ABHD17C: variants seen among roughly 807,000 people sequenced by gnomAD.
ABHD17C encodes abhydrolase domain containing 17C, depalmitoylase, also known as alpha/beta hydrolase domain-containing protein 17C.
ABHD17C carries 11 observed loss-of-function variants against 27.9 expected under a neutral mutation model. The observed-to-expected ratio is 0.39, with a 90% CI of 0.25 to 0.65. The LOEUF is 0.65. Ranked by LOEUF, ABHD17C falls within the 30% of genes least tolerant of loss-of-function variation. The probability of loss-of-function intolerance (pLI) is 0.45; values close to 1 mark genes in which losing one functional copy is unlikely to be tolerated. For missense variants in ABHD17C, 280 were observed against 470.2 expected (o/e 0.60, Z 3.74); for synonymous variants, 233 against 209.1 (o/e 1.11, Z -0.98).
intron 1 of ABHD17C, among the ~76,000 whole-genome samples, chr15:80,739,008 G>T (rs955353368): frequency 6.6e-6 from 1 of 152,182 alleles, no homozygotes; most frequent in Non-Finnish European, 1.5e-5. Flanking sequence ...AGCTTTGAGG[G>T]ATGCCAACCT....
intron 1 of ABHD17C, among the ~76,000 whole-genome samples, chr15:80,746,721 T>G (rs1243269361): frequency 1.3e-5 from 2 of 152,220 alleles, no homozygotes; most frequent in Non-Finnish European, 2.9e-5. Context: ...GCCTGCCTGA[T>G]GGCCAGGGCG....
intron 1 of ABHD17C, chr15:80,704,699 CAGGCTTCTGCCCCTCCTCT>C (rs1378701984): frequency 6.6e-6 from 1 of 152,192 alleles, no homozygotes; most frequent in Admixed American, 6.5e-5. Context: ...CCTCCTGAGT[CAGGCTTCTGCCCCTCCTCT>C]AGTTGTGGAT....
chr15:80,713,172 C>T (rs1894750368), intron 1 of ABHD17C, among the ~76,000 whole-genome samples: 1 of 151,796 alleles, frequency 6.6e-6, no homozygotes, highest in Admixed American at 6.6e-5. Flanking sequence ...TTCTTGCCAC[C>T]CACATCAGCT....
At chr15:80,720,920 C>G (rs1018595938) in intron 1 of ABHD17C, among the ~76,000 whole-genome samples, 1 of 121,678 alleles carries the variant, frequency 8.2e-6, no homozygotes, top group Admixed American at 8.7e-5. Context: ...GACTCTGTCT[C>G]AAAAAAAAAA....
intron 1 of ABHD17C, among the ~76,000 whole-genome samples, chr15:80,735,914 C>A (rs1345090576): frequency 6.6e-6 from 1 of 152,138 alleles, no homozygotes. Flanking sequence ...TCCTTACATC[C>A]AGTGTTACTT....
At chr15:80,697,692 G>A (rs1894513457) in intron 1 of ABHD17C, among the ~76,000 whole-genome samples, 1 of 151,948 alleles carries the variant, frequency 6.6e-6, no homozygotes, top group South Asian at 2.1e-4. Context: ...TGAATTATCT[G>A]ATAGTGTATC....
In ABHD17C at chr15:80,695,502, T is replaced by C; in HGVS notation, c.73T>C (p.Cys25Arg). Residue 25 changes from cysteine (C) to arginine (R), a missense_variant, in exon 1 of 3, where the codon TGC (cysteine) becomes CGC (arginine). Cys to Arg is a radical substitution (Grantham distance 180, BLOSUM62 -3). Transcript: ENST00000258884. This position sits in a 1 kb window ranked among gnomAD's most constrained non-coding sequence, Gnocchi z 4.3. ...ELCWLFCCPPCPSRIAAKLAF... is the reference protein window; with the variant it reads ...ELCWLFCCPPRPSRIAAKLAF... ...GTGCTGGCTCTTCTGCTGCCCGCCC[T>C]GCCCGAGCCGCATCGCCGCCAAGCT... is the stretch of plus-strand genomic sequence containing the variant. 7.2e-7 allele frequency: 1 copy of C among 1,384,732 alleles called. No individual in the cohort carries two copies. The highest frequency in any genetic ancestry group is 9.5e-7 in the Non-Finnish European group (1 of 1,057,986). The allele number at this position is 1,384,732 out of a possible 1,614,324, so 85.8% of individuals were successfully genotyped here.
At chr15:80,701,068 A>G (rs1448548208) in intron 1 of ABHD17C, among the ~76,000 whole-genome samples, 2 of 152,200 alleles carry the variant, frequency 1.3e-5, no homozygotes, top group African/African-American at 4.8e-5. Flanking sequence ...ATACGTAACT[A>G]TGATTTGCTG....
At chr15:80,729,135 T>C (rs1352896883) in intron 1 of ABHD17C, among the ~76,000 whole-genome samples, 1 of 152,222 alleles carries the variant, frequency 6.6e-6, no homozygotes, top group African/African-American at 2.4e-5. Context: ...CAAAGGTGCA[T>C]TGTGGGTGCC....
At chr15:80,742,177 C>T (rs1895220143) in intron 1 of ABHD17C, among the ~76,000 whole-genome samples, 1 of 152,020 alleles carries the variant, frequency 6.6e-6, no homozygotes, top group Non-Finnish European at 1.5e-5. Context: ...ATGGGAGTTG[C>T]CTCACGTGAT....
intron 2 of ABHD17C, among the ~76,000 whole-genome samples, chr15:80,751,821 C>T (rs1025268741): frequency 6.6e-6 from 1 of 152,150 alleles, no homozygotes; most frequent in Non-Finnish European, 1.5e-5. Context: ...TATTTAATGC[C>T]ATAAATTATT....
chr15:80,716,923 G>A (rs925585240), intron 1 of ABHD17C, among the ~76,000 whole-genome samples: 1 of 152,168 alleles, frequency 6.6e-6, no homozygotes, highest in Non-Finnish European at 1.5e-5. Context: ...GTGCAGGTAT[G>A]GTCTGACGAG....
intron 1 of ABHD17C, among the ~76,000 whole-genome samples, chr15:80,700,953 G>T (rs1442150641): frequency 6.6e-6 from 1 of 152,162 alleles, no homozygotes; most frequent in African/African-American, 2.4e-5. Flanking sequence ...ATTTATTTAT[G>T]CTCTGCTTGT....
Position 80,754,238 on chromosome 15 carries a change from G to A in ABHD17C, c.858G>A (p.Ala286=), listed in dbSNP as rs748966467. The A allele has an allele frequency of 2.4e-5, 38 of 1,613,814 alleles. No individual in the cohort carries two copies. The highest frequency in any genetic ancestry group is 8.0e-5 in the African/African-American group (6 of 74,912). The change falls in exon 3 of 3, where the codon GCG becomes GCA. Residue 286 remains alanine (A), a synonymous_variant. Transcript: ENST00000258884. The part of the protein sequence containing the change: ...DEVIDFSHGL[A]MYERCPRAVE... Reference sequence around the variant, plus strand: ...TCATCGATTTCTCCCATGGCCTAGCGATGTACGAGCGCTGTCCCCGAGCCG... The same window carrying A: ...TCATCGATTTCTCCCATGGCCTAGCAATGTACGAGCGCTGTCCCCGAGCCG...
rs776574776 is a variant in ABHD17C, at chr15:80,705,362, T to TGTGTGTGTGTGTGTGTGTGTGTGTGTGG, written c.590+9348_590+9349insTGTGTGTGTGTGTGTGTGTGTGGGTGTG. Among the ~76,000 whole-genome samples the TGTGTGTGTGTGTGTGTGTGTGTGTGTGG allele has an allele frequency of 3.6e-4, 55 of 150,730 alleles. 1 individual carries two copies. Among genetic ancestry groups the TGTGTGTGTGTGTGTGTGTGTGTGTGTGG allele is most frequent in the Admixed American group, 2.5e-3 (38 of 14,952 alleles). On this transcript the variant is annotated intron_variant, in intron 1 of 2. Coordinates refer to ENST00000258884, the MANE Select transcript of ABHD17C (RefSeq NM_021214.2). Reference sequence around the variant, plus strand: ...GTGTGTGTGTGTGTGTGTGTGTGTGTGTGTGGTTAGGAGCATATATTTTAG... The same window carrying TGTGTGTGTGTGTGTGTGTGTGTGTGTGG: ...GTGTGTGTGTGTGTGTGTGTGTGTGTGTGTGTGTGTGTGTGTGTGTGTGTGTGGGTGTGGTTAGGAGCATATATTTTAG...
intron 1 of ABHD17C, among the ~76,000 whole-genome samples, chr15:80,698,061 CTTTTTTTT>C (rs34987348): frequency 2.1e-5 from 2 of 97,044 alleles, no homozygotes; most frequent in Non-Finnish European, 4.2e-5. Context: ...TTTTATTTCA[CTTTTTTTT>C]TTTTTTTTTT....
chr15:80,709,488 C>CAA (rs56163745), intron 1 of ABHD17C, among the ~76,000 whole-genome samples: 117 of 131,978 alleles, frequency 8.9e-4, no homozygotes, highest in Middle Eastern at 7.5e-3. Context: ...GACTCTGTCT[C>CAA]AAAAAAAAAA....
intron 1 of ABHD17C, among the ~76,000 whole-genome samples, chr15:80,701,260 C>A (rs911189524): frequency 6.6e-6 from 1 of 152,096 alleles, no homozygotes; most frequent in Non-Finnish European, 1.5e-5. Context: ...AAGTTACTTT[C>A]CTGGGCATGT....
intron 2 of ABHD17C, among the ~76,000 whole-genome samples, chr15:80,749,941 T>C (rs1895343440): frequency 6.6e-6 from 1 of 152,144 alleles, no homozygotes; most frequent in African/African-American, 2.4e-5. Context: ...ACGCCTAGGG[T>C]TAATTGATTG....
Sources: gnomAD v4.1 joint callset for allele counts (sites outside exome capture counted in the v4.1 genomes callset) on GRCh38, gnomAD v4.1.1 for gene constraint, Gnocchi (gnomAD v3.1) non-coding constraint, MANE v1.5 for transcripts, NCBI Gene and HGNC (gene_info 2026-07-23, HGNC 2026-07-21) for gene names.